ACO2: variants seen among roughly 807,000 people sequenced by gnomAD.
ACO2 encodes aconitase 2.
Under a neutral mutation model 84.5 loss-of-function variants are expected in ACO2, and 31 were observed. That is an observed-to-expected ratio of 0.37 (90% confidence interval 0.28 to 0.50). The LOEUF is 0.50. Among genes scored for constraint, ACO2 ranks in the 20% least tolerant of loss-of-function variants. The pLI is 0.97. For synonymous variants in ACO2, 414 were observed against 412.7 expected (o/e 1.00, Z -0.04); for missense variants, 685 against 1,029.3 (o/e 0.67, Z 4.58).
intron 1 of ACO2, among the ~76,000 whole-genome samples, chr22:41,470,362 T>G (rs2037929782): frequency 6.6e-6 from 1 of 152,146 alleles, no homozygotes; most frequent in Non-Finnish European, 1.5e-5. Flanking sequence ...CTTGAACTTA[T>G]TTTTCATCAC....
intron 1 of ACO2, among the ~76,000 whole-genome samples, chr22:41,486,117 T>C (rs897933213): frequency 2.0e-5 from 3 of 152,192 alleles, no homozygotes; most frequent in Non-Finnish European, 4.4e-5. Flanking sequence ...TGTGTGTGTG[T>C]GTCCTTCTTT....
chr22:41,516,972 C>T (rs1332808779), intron 6 of ACO2, among the ~76,000 whole-genome samples: 5 of 152,146 alleles, frequency 3.3e-5, no homozygotes, highest in Admixed American at 3.3e-4. Context: ...TCAGGTGATC[C>T]ACCCACCTCG....
At chr22:41,514,928 G>A (rs1296406518) in intron 4 of ACO2, among the ~76,000 whole-genome samples, 1 of 152,230 alleles carries the variant, frequency 6.6e-6, no homozygotes, top group Non-Finnish European at 1.5e-5. Flanking sequence ...TTCTTCCTCA[G>A]GGGCCTTGTG....
chr22:41,507,815 G>T lies in ACO2; in HGVS notation c.198G>T (p.Ser66=). 1 of 1,614,102 alleles carries T rather than the reference G, an allele frequency of 6.2e-7. No individual in the cohort carries two copies. Among genetic ancestry groups the T allele is most frequent in the Non-Finnish European group, 8.5e-7 (1 of 1,180,000 alleles). ...RKRLNRPLTL[S]EKIVYGHLDD... is the part of the protein sequence containing the mutation. ...GACTGAACCGGCCGCTGACACTCTC[G>T]GAGAAGATTGTGTATGGACACCTGG... The change falls in exon 3 of 18, where the codon TCG becomes TCT. Residue 66 remains serine (S), a synonymous_variant. Transcript: ENST00000216254.
chr22:41,518,613 T>A, intron 8 of ACO2, 41 bp downstream of exon 8: 1 of 1,489,224 alleles, frequency 6.7e-7, no homozygotes, highest in Non-Finnish European at 9.4e-7. Flanking sequence ...TTTCTGAGAG[T>A]AGTGGGGAGC....
chr22:41,476,089 T>C (rs867174386), intron 1 of ACO2, among the ~76,000 whole-genome samples: 5 of 151,880 alleles, frequency 3.3e-5, no homozygotes, highest in Admixed American at 6.6e-5. Flanking sequence ...TTTGAAAAGT[T>C]GTTTTGACTC....
At position 41,508,671 on chromosome 22, in the gene ACO2, G is replaced by A. The variant is rs139155102; in HGVS notation, c.432+622G>A. ...GGGGTGGCTGTATGCCATGCTGAAG[G>A]CTTTTCCCCCACCCTTCTATGAAAT... On this transcript the variant is annotated intron_variant, in intron 3 of 17. Coordinates refer to ENST00000216254, the MANE Select transcript of ACO2 (RefSeq NM_001098.3). Among the ~76,000 whole-genome samples the A allele has an allele frequency of 2.1e-3, 313 of 152,286 alleles. 3 individuals carry two copies. The highest frequency in any genetic ancestry group is 0.017 in the Middle Eastern group (5 of 294).
intron 1 of ACO2, among the ~76,000 whole-genome samples, chr22:41,476,037 A>G (rs2038009562): frequency 1.3e-5 from 2 of 152,180 alleles, no homozygotes; most frequent in Non-Finnish European, 1.5e-5. Flanking sequence ...CAGTGTAATT[A>G]ATAACTACCC....
Position 41,515,717 on chromosome 22 carries a change from G to C in ACO2, c.685-50G>C, listed in dbSNP as rs539202662. On this transcript the variant is annotated intron_variant, in intron 5 of 17. Coordinates refer to ENST00000216254, the MANE Select transcript of ACO2 (RefSeq NM_001098.3). The surrounding 1 kb of genome is among the most constrained non-coding windows in gnomAD (Gnocchi z 5.8). ...GCAGGGCCATCCTGACTTCGTGGCTGGCACAGGCACACACGGCCTCTCACA... is the reference window on the plus strand; with the variant it reads ...GCAGGGCCATCCTGACTTCGTGGCTCGCACAGGCACACACGGCCTCTCACA... 4 of 1,610,856 alleles carry C rather than the reference G, an allele frequency of 2.5e-6. No homozygotes were observed. The South Asian group carries it at 4.4e-5, about 18-fold the overall frequency.
At chr22:41,517,390 C>T in intron 6 of ACO2, 137 bp from the exon 7 acceptor site, 1 of 716,518 alleles carries the variant, frequency 1.4e-6, no homozygotes, top group South Asian at 1.6e-5. Context: ...ATGAGTCGGC[C>T]CGCTGTCACC....
Position 41,515,619 on chromosome 22 carries a change from G to A in ACO2, c.684+84G>A. 6.4e-7 allele frequency: 1 copy of A among 1,574,182 alleles called. No individual in the cohort carries two copies. The highest frequency in any genetic ancestry group is 8.6e-7 in the Non-Finnish European group (1 of 1,157,892). On this transcript the variant is annotated intron_variant, in intron 5 of 17. Transcript: ENST00000216254. This position sits in a 1 kb window ranked among gnomAD's most constrained non-coding sequence, Gnocchi z 5.8. ...AACGGGAGACGGTGGGACCCAGGAG[G>A]GAAAAGGGAACAAGTTAGACTCGAA...
At chr22:41,477,255 G>A (rs1569000250) in intron 1 of ACO2, among the ~76,000 whole-genome samples, 1 of 151,532 alleles carries the variant, frequency 6.6e-6, no homozygotes, top group Non-Finnish European at 1.5e-5. Flanking sequence ...CCGGGTTCAC[G>A]CCATTCTCCT....
chr22:41,517,654 G>C (rs762283798), intron 7 of ACO2, 23 bp downstream of exon 7: 1 of 1,598,708 alleles, frequency 6.3e-7, no homozygotes, highest in Admixed American at 1.7e-5. Flanking sequence ...GGGCAGGCCC[G>C]TGTGGGTGGA....
At chr22:41,513,944 G>A (rs570715513) in intron 4 of ACO2, among the ~76,000 whole-genome samples, 33 of 151,886 alleles carry the variant, frequency 2.2e-4, no homozygotes, top group Middle Eastern at 3.4e-3. Context: ...TGTCTACACC[G>A]TGTGGACCAC....
intron 4 of ACO2, 64 bp downstream of exon 4, chr22:41,512,032 G>T: frequency 1.5e-6 from 2 of 1,362,926 alleles, no homozygotes; most frequent in East Asian, 2.7e-5. Context: ...CCAGGCCTAT[G>T]GGGGGAGGGG....
chr22:41,523,862 T>A lies in ACO2; in HGVS notation c.1403T>A (p.Ile468Asn). The A allele has an allele frequency of 6.2e-7, 1 of 1,611,950 alleles. No homozygotes were observed. Among genetic ancestry groups the A allele is most frequent in the Non-Finnish European group, 8.5e-7 (1 of 1,179,908 alleles). Residue 468 changes from isoleucine to asparagine, a missense_variant, in exon 12 of 18, where the codon ATC (isoleucine) becomes AAC (asparagine). By Grantham distance (149) the Ile-to-Asn change is moderately radical. Around this residue, in one of 5 missense-constraint regions of ACO2, gnomAD observed 311 missense variants for 441.6 expected, o/e 0.70. Transcript: ENST00000216254. ...KDIKKGEKNT[I>N]VTSYNRNFTG... ...ATCAAGAAGGGGGAGAAGAACACAA[T>A]CGTCACCTCCTACAACAGGAACTTC...
intron 9 of ACO2, among the ~76,000 whole-genome samples, chr22:41,522,482 T>C (rs1470746232): frequency 6.6e-6 from 1 of 152,202 alleles, no homozygotes; most frequent in East Asian, 1.9e-4. Context: ...AGAAGAAAAT[T>C]AGCATCTCCT....
chr22:41,513,856 G>A (rs2066455904), intron 4 of ACO2, among the ~76,000 whole-genome samples: 1 of 152,126 alleles, frequency 6.6e-6, no homozygotes, highest in Non-Finnish European at 1.5e-5. Context: ...GGAGCTCACT[G>A]TCACGGCCAG....
chr22:41,508,073 G>T (rs766837794), intron 3 of ACO2, 24 bp downstream of exon 3: 14 of 1,594,170 alleles, frequency 8.8e-6, no homozygotes, highest in Non-Finnish European at 1.2e-5. Flanking sequence ...GGCTTTGGGG[G>T]TGGGCAAGTG....
Sources: gnomAD v4.1 joint callset for allele counts (sites outside exome capture counted in the v4.1 genomes callset) on GRCh38, gnomAD v4.1.1 for gene constraint, gnomAD v4.1.1 regional missense constraint, Gnocchi (gnomAD v3.1) non-coding constraint, MANE v1.5 for transcripts, NCBI Gene and HGNC (gene_info 2026-07-23, HGNC 2026-07-21) for gene names.